BAIAP2: variants seen among roughly 807,000 people sequenced by gnomAD.
BAIAP2 encodes the protein BAR/IMD domain-containing adapter protein 2.
Under a neutral mutation model 63.0 loss-of-function variants are expected in BAIAP2, and 18 were observed. The observed-to-expected ratio is 0.29, with a 90% confidence interval of 0.20 to 0.42. The LOEUF is 0.42. Ranked by LOEUF, BAIAP2 falls within the 10% of genes least tolerant of loss-of-function variation. The pLI, the probability that BAIAP2 is intolerant of heterozygous loss-of-function variation, is 1.00. For missense variants in BAIAP2, 610 were observed against 734.3 expected, an observed-to-expected ratio of 0.83 and a Z score of 1.96; for synonymous variants, 386 against 307.6, an observed-to-expected ratio of 1.25 and a Z score of -2.67.
At chr17:81,111,712 G>A (rs1201330862) in intron 13 of BAIAP2, among the ~76,000 whole-genome samples, 2 of 152,250 alleles carry the variant, frequency 1.3e-5, no homozygotes, top group South Asian at 2.1e-4. Flanking sequence ...GGTGCCTGGT[G>A]TATATTTGGG....
At chr17:81,055,393 A>G (rs909278926) in intron 2 of BAIAP2, among the ~76,000 whole-genome samples, 5 of 151,100 alleles carry the variant, frequency 3.3e-5, no homozygotes, top group African/African-American at 1.2e-4. Context: ...CCCTTGGGCC[A>G]CCTCCTGTTT....
chr17:81,057,903 C>T lies in BAIAP2; in HGVS notation c.153C>T (p.Gly51=), dbSNP rs200107599. The part of the protein sequence containing the change: ...ALAGVTYAAK[G]YFDALVKMGE... ...CAGGTGTGACGTATGCAGCCAAAGG[C>T]TACTTTGACGCCCTGGTGAAGATGG... is the stretch of plus-strand genomic sequence containing the variant. Residue 51 remains glycine (G), a synonymous_variant, in exon 3 of 14, where the codon GGC becomes GGT. Transcript: ENST00000428708. 927 of 1,593,992 alleles carry T rather than the reference C, an allele frequency of 5.8e-4. No homozygotes were observed. Among genetic ancestry groups the T allele is most frequent in the Non-Finnish European group, 7.7e-4 (899 of 1,170,490 alleles).
chr17:81,062,704 T>C (rs539509440), intron 3 of BAIAP2, among the ~76,000 whole-genome samples: 43 of 120,310 alleles, frequency 3.6e-4, no homozygotes, highest in Non-Finnish European at 7.1e-4. Context: ...TTTTTTTTTT[T>C]CGGTTAGGTT....
rs868648841 is a variant in BAIAP2, at chr17:81,071,062, G to A, written c.217+13095G>A. Reference sequence around the variant, plus strand: ...TCAGAACTGTGTGTGGGGAAGCAGCGTCAGCTACCGTCATCACCATGGCAA... The same window carrying A: ...TCAGAACTGTGTGTGGGGAAGCAGCATCAGCTACCGTCATCACCATGGCAA... On this transcript the variant is annotated intron_variant, in intron 3 of 13. Coordinates refer to ENST00000428708, the MANE Select transcript of BAIAP2 (RefSeq NM_001144888.2). Among the ~76,000 whole-genome samples, 19 of 151,400 alleles carry A rather than the reference G, an allele frequency of 1.3e-4. No homozygotes were observed. The East Asian group carries it at 1.6e-3, about 12-fold the overall frequency.
Position 81,104,430 on chromosome 17 carries a change from C to T in BAIAP2, c.1067-84C>T, listed in dbSNP as rs1048803752. 6 of 1,428,598 alleles carry T rather than the reference C, an allele frequency of 4.2e-6. No homozygotes were observed. In the East Asian group the frequency reaches 1.4e-4, roughly 33 times the overall value. The allele number at this position is 1,428,598 out of a possible 1,614,324, so 88.5% of individuals were successfully genotyped here. On this transcript the variant is annotated intron_variant, in intron 9 of 13. Coordinates refer to ENST00000428708, the MANE Select transcript of BAIAP2 (RefSeq NM_001144888.2). ...CCCACCTGGGGCACAGGCGGCTGTG[C>T]TCTCAGCACCTCAACCAGACTCCCT...
At chr17:81,109,372 TAAAAAAA>T (rs747875777) in intron 13 of BAIAP2, 77 of 890,308 alleles carry the variant, frequency 8.6e-5, no homozygotes, top group African/African-American at 1.0e-4. Context: ...AGAAAAATCT[TAAAAAAA>T]AAAAAAAAAA....
At chr17:81,074,600 C>T (rs560790163) in intron 3 of BAIAP2, among the ~76,000 whole-genome samples, 56 of 142,890 alleles carry the variant, frequency 3.9e-4, no homozygotes, top group Non-Finnish European at 7.1e-4. Flanking sequence ...CCTGTGTGTG[C>T]GTGCACGGAT....
At chr17:81,059,951 A>G (rs1206035360) in intron 3 of BAIAP2, among the ~76,000 whole-genome samples, 2 of 152,182 alleles carry the variant, frequency 1.3e-5, no homozygotes, top group African/African-American at 4.8e-5. Context: ...GTTGACTGCA[A>G]GAAGGCGCTG....
At chr17:81,047,662 GCACA>G (rs1568069161) in intron 1 of BAIAP2, among the ~76,000 whole-genome samples, 3 of 148,532 alleles carry the variant, frequency 2.0e-5, no homozygotes, top group Non-Finnish European at 4.4e-5. Context: ...CATGCTCATA[GCACA>G]CACACAGGTC....
intron 13 of BAIAP2, among the ~76,000 whole-genome samples, chr17:81,111,298 G>A (rs1271527710): frequency 6.6e-6 from 1 of 152,258 alleles, no homozygotes; most frequent in East Asian, 1.9e-4. Flanking sequence ...ACCCCGGCAA[G>A]CAGCTGCAGC....
intron 1 of BAIAP2, among the ~76,000 whole-genome samples, chr17:81,045,066 C>A (rs928167864): frequency 6.6e-6 from 1 of 152,222 alleles, no homozygotes; most frequent in African/African-American, 2.4e-5. Context: ...TGTGTTTGGA[C>A]TTTGCTGGGC....
Position 81,086,201 on chromosome 17 carries a change from C to G in BAIAP2, c.352-242C>G, listed in dbSNP as rs367638738. Among the ~76,000 whole-genome samples, 387 of 144,758 alleles carry G rather than the reference C, an allele frequency of 2.7e-3. 5 individuals are homozygous for G. The South Asian group carries it at 0.04, about 15-fold the overall frequency. The allele number at this position is 144,758 out of a possible 152,430, so 95.0% of individuals were successfully genotyped here. Reference sequence around the variant, plus strand: ...CACTTTTTCCAAGTGTGATTTTCATCTTGGGCGACCAGAGAGCTGCTATGG... The same window carrying G: ...CACTTTTTCCAAGTGTGATTTTCATGTTGGGCGACCAGAGAGCTGCTATGG... On this transcript the variant is annotated intron_variant, in intron 5 of 13. Coordinates refer to ENST00000428708, the MANE Select transcript of BAIAP2 (RefSeq NM_001144888.2).
Position 81,102,566 on chromosome 17 carries a change from C to T in BAIAP2, c.643-936C>T, listed in dbSNP as rs192966002. ...TTGCAATAAAACTTTATTTACAAAA[C>T]AGGAAGCCAGCCCTCGGGCTGTGGT... is the stretch of plus-strand genomic sequence containing the variant. On this transcript the variant is annotated intron_variant, in intron 7 of 13. Coordinates refer to ENST00000428708, the MANE Select transcript of BAIAP2 (RefSeq NM_001144888.2). Among the ~76,000 whole-genome samples the T allele has an allele frequency of 5.5e-3, 834 of 152,340 alleles. 1 individual carries two copies. Among genetic ancestry groups the T allele is most frequent in the Non-Finnish European group, 8.9e-3 (604 of 68,038 alleles).
At chr17:81,101,522 C>G (rs986185480) in intron 7 of BAIAP2, among the ~76,000 whole-genome samples, 6 of 152,210 alleles carry the variant, frequency 3.9e-5, no homozygotes, top group Admixed American at 1.3e-4. Flanking sequence ...GCCAAGCCCA[C>G]CAGGGAGGCC....
At chr17:81,111,105 T>A (rs1225906590) in intron 13 of BAIAP2, 1 of 952,484 alleles carries the variant, frequency 1.0e-6, no homozygotes, top group Non-Finnish European at 1.6e-6. Context: ...TCACTCTGGG[T>A]GCTGGGCCTT....
In BAIAP2 at chr17:81,036,260, C is replaced by T. The variant is rs375217113; in HGVS notation, c.54+952C>T. On this transcript the variant is annotated intron_variant, in intron 1 of 13. Transcript: ENST00000428708. ...AGGAGAAACCCCTGCTCTGGGTGTC[C>T]CTGGGTCCTGGGCGATCTCTTACAG... 9.2e-5 allele frequency among the ~76,000 whole-genome samples: 14 copies of T among 152,346 alleles called. No individual in the cohort carries two copies. In the East Asian group the frequency reaches 2.3e-3, roughly 25 times the overall value.
intron 1 of BAIAP2, among the ~76,000 whole-genome samples, chr17:81,047,876 C>T (rs2048062169): frequency 6.6e-6 from 1 of 152,276 alleles, no homozygotes; most frequent in Non-Finnish European, 1.5e-5. Context: ...CACATGGCCG[C>T]AGCACACACA....
Position 81,057,972 on chromosome 17 carries a change from G to GGGGGCCCCC in BAIAP2, c.217+5_217+6insGGGGCCCCC. ...GCCAGGGCTCCAAAGAACTCGGTGAGACCCCCCCCCCCCCCCCGCCTGGTA... is the reference window on the plus strand; with the variant it reads ...GCCAGGGCTCCAAAGAACTCGGTGAGGGGGCCCCCACCCCCCCCCCCCCCCCGCCTGGTA... On this transcript the variant is annotated splice_donor_region_variant and intron_variant, in intron 3 of 13. Coordinates refer to ENST00000428708, the MANE Select transcript of BAIAP2 (RefSeq NM_001144888.2). 2 of 911,326 alleles carry GGGGGCCCCC rather than the reference G, an allele frequency of 2.2e-6. No individual in the cohort carries two copies. The highest frequency in any genetic ancestry group is 1.8e-5 in the South Asian group (1 of 55,136). 56.5% of individuals were successfully genotyped at this position (911,326 alleles called of 1,614,324 possible).
At chr17:81,053,131 G>A (rs746855935) in intron 1 of BAIAP2, among the ~76,000 whole-genome samples, 10 of 152,200 alleles carry the variant, frequency 6.6e-5, no homozygotes, top group Non-Finnish European at 1.0e-4. Flanking sequence ...CCCGTCCGTC[G>A]GGCAAACAGA....
Sources: allele counts gnomAD v4.1 joint callset (sites outside exome capture counted in the v4.1 genomes callset), GRCh38; gene constraint gnomAD v4.1.1; transcripts MANE v1.5; gene names NCBI Gene and HGNC (gene_info 2026-07-23, HGNC 2026-07-21).